PGM1: variants seen among roughly 807,000 people sequenced by gnomAD.
PGM1 encodes the protein phosphoglucomutase-1.
In PGM1, 52 loss-of-function variants were observed where a neutral mutation model predicts 55.6. The observed-to-expected ratio is 0.94, with a 90% CI of 0.75 to 1.18. PGM1 has a LOEUF of 1.18. PGM1 is among the 50% of genes most tolerant of loss of function. The pLI is 0.00. For synonymous variants in PGM1, 287 were observed against 271.7 expected (o/e 1.06, Z -0.55); for missense variants, 724 against 729.3 (o/e 0.99, Z 0.08).
At chr1:63,637,108 A>G (rs761706933) in intron 6 of PGM1, among the ~76,000 whole-genome samples, 1 of 152,246 alleles carries the variant, frequency 6.6e-6, no homozygotes, top group Non-Finnish European at 1.5e-5. Context: ...GTAAAGAATG[A>G]ATGAATGAAT....
chr1:63,655,014 G>A (rs554554605), intron 10 of PGM1, among the ~76,000 whole-genome samples: 20 of 149,410 alleles, frequency 1.3e-4, no homozygotes, highest in Non-Finnish European at 2.2e-4. Flanking sequence ...TGTTGCCCAG[G>A]CTGGAGTGCA....
intron 1 of PGM1, among the ~76,000 whole-genome samples, chr1:63,619,179 A>AG (rs1434607301): frequency 2.0e-5 from 3 of 152,214 alleles, no homozygotes; most frequent in Admixed American, 6.5e-5. Context: ...AGCTTTAGTC[A>AG]GGGGTCTACC....
At chr1:63,615,309 C>T (rs1648678806) in intron 1 of PGM1, among the ~76,000 whole-genome samples, 1 of 152,130 alleles carries the variant, frequency 6.6e-6, no homozygotes, top group Non-Finnish European at 1.5e-5. Flanking sequence ...AGAAGCATTT[C>T]ACACATACCT....
chr1:63,632,098 C>G (rs1649212185), intron 4 of PGM1, among the ~76,000 whole-genome samples: 1 of 151,932 alleles, frequency 6.6e-6, no homozygotes. Flanking sequence ...TTGCTGCATG[C>G]CCCCATGTAT....
chr1:63,650,977 G>A (rs999193072), intron 8 of PGM1, among the ~76,000 whole-genome samples: 16 of 152,030 alleles, frequency 1.1e-4, no homozygotes, highest in Non-Finnish European at 2.4e-4. Flanking sequence ...TAATTCCTAG[G>A]TGATGGGTTG....
In PGM1 at chr1:63,654,447, A is replaced by C; in HGVS notation, c.1580A>C (p.Lys527Thr). 6.2e-7 allele frequency: 1 copy of C among 1,614,072 alleles called. No homozygotes were observed. The highest frequency in any genetic ancestry group is 8.5e-7 in the Non-Finnish European group (1 of 1,179,920). ...GATAGCTATGAGAAGGACGTTGCCA[A>C]GATTAACCAGGACCCCCAGGTAACG... ...YIDSYEKDVA[K>T]INQDPQVMLA... The change falls in exon 10 of 11, where the codon AAG (lysine) becomes ACG (threonine). Residue 527 changes from lysine (K) to threonine (T), a missense_variant. Lys to Thr is a moderately conservative substitution (Grantham distance 78, BLOSUM62 -1). This residue lies in a region of PGM1 where 316 missense variants were observed against 313.1 expected (regional missense o/e 1.01). Transcript: ENST00000371084.
intron 7 of PGM1, among the ~76,000 whole-genome samples, chr1:63,642,046 G>T (rs576854339): frequency 6.6e-6 from 1 of 152,118 alleles, no homozygotes; most frequent in East Asian, 1.9e-4. Context: ...ACCTCTTGCC[G>T]TAGTCTGGGA....
intron 9 of PGM1, 101 bp from the exon 10 acceptor site, chr1:63,654,231 C>G: frequency 8.4e-7 from 1 of 1,189,918 alleles, no homozygotes; most frequent in Admixed American, 1.7e-5. Context: ...CTCCAATGAA[C>G]AAGTATGGAT....
At chr1:63,643,579 C>A (rs1172992431) in intron 7 of PGM1, among the ~76,000 whole-genome samples, 3 of 152,152 alleles carry the variant, frequency 2.0e-5, no homozygotes, top group South Asian at 4.1e-4. Flanking sequence ...GAGGAGCTCA[C>A]CTTCCTTTCC....
chr1:63,629,398 GA>G (rs1649127281), intron 1 of PGM1, 26 bp from the exon 2 acceptor site: 3 of 1,606,848 alleles, frequency 1.9e-6, no homozygotes, highest in Non-Finnish European at 1.7e-6. Flanking sequence ...TGATGTTAAA[GA>G]GTGTGTTCTG....
intron 1 of PGM1, among the ~76,000 whole-genome samples, chr1:63,614,256 CAA>C (rs1648647956): frequency 6.6e-6 from 1 of 152,208 alleles, no homozygotes; most frequent in Non-Finnish European, 1.5e-5. Context: ...TAAAAAGTAT[CAA>C]GAGTTGGAAT....
rs887046236 is a variant in PGM1, at chr1:63,646,075, A to C, written c.1145-2442A>C. 3.3e-5 allele frequency among the ~76,000 whole-genome samples: 5 copies of C among 152,168 alleles called. No individual in the cohort carries two copies. In the East Asian group the frequency reaches 5.8e-4, roughly 18 times the overall value. ...GGGAAGTTGGGAGCTAGTCTTAAAAAAGAGAGGACATTTGAGCTGGGTCTG... is the reference window on the plus strand; with the variant it reads ...GGGAAGTTGGGAGCTAGTCTTAAAACAGAGAGGACATTTGAGCTGGGTCTG... On this transcript the variant is annotated intron_variant, in intron 7 of 10. Transcript: ENST00000371084.
chr1:63,615,546 TCTTC>T (rs1205504141), intron 1 of PGM1, among the ~76,000 whole-genome samples: 8 of 136,162 alleles, frequency 5.9e-5, no homozygotes, highest in African/African-American at 2.5e-4. Flanking sequence ...CTCTTCTTCT[TCTTC>T]TTTTTTTTTT....
At chr1:63,626,485 A>G (rs1188782403) in intron 1 of PGM1, among the ~76,000 whole-genome samples, 1 of 152,142 alleles carries the variant, frequency 6.6e-6, no homozygotes, top group Admixed American at 6.6e-5. Context: ...GTCCTTTTGC[A>G]TCTGGCTTAT....
rs992174380 is a variant in PGM1, at chr1:63,659,874, G to A, written c.*199G>A. On this transcript the variant is annotated 3_prime_UTR_variant, in exon 11 of 11. Transcript: ENST00000371084. ...GAGCTGTGAGGGAAAGAGGACCTGC[G>A]GGCTTAGATCAATCTCAATTCCTTT... The A allele has an allele frequency of 2.3e-5, 15 of 644,080 alleles. No homozygotes were observed. Among genetic ancestry groups the A allele is most frequent in the South Asian group, 1.0e-4 (6 of 58,128 alleles). 39.9% of individuals were successfully genotyped at this position (644,080 alleles called of 1,614,324 possible). A position where few individuals can be genotyped will look rare whatever the true frequency, so the allele number is the denominator to read the frequency against.
At chr1:63,603,563 G>A (rs972172616) in intron 1 of PGM1, among the ~76,000 whole-genome samples, 2 of 152,248 alleles carry the variant, frequency 1.3e-5, no homozygotes, top group East Asian at 3.9e-4. Flanking sequence ...GAACAGAATC[G>A]TAAGACCAGA....
In PGM1 at chr1:63,646,909, A is replaced by T. The variant is rs149804611; in HGVS notation, c.1145-1608A>T. Among the ~76,000 whole-genome samples, 52 of 152,114 alleles carry T rather than the reference A, an allele frequency of 3.4e-4. No individual in the cohort carries two copies. The East Asian group carries it at 9.1e-3, about 27-fold the overall frequency. On this transcript the variant is annotated intron_variant, in intron 7 of 10. Transcript: ENST00000371084. Reference sequence around the variant, plus strand: ...TCTTTTTTCTTATTCATACATAAGAATTTTTTCTATATTGAATGTATTAAA... The same window carrying T: ...TCTTTTTTCTTATTCATACATAAGATTTTTTTCTATATTGAATGTATTAAA...
chr1:63,649,179 T>C (rs1649739907), intron 8 of PGM1, among the ~76,000 whole-genome samples: 1 of 152,232 alleles, frequency 6.6e-6, no homozygotes, highest in African/African-American at 2.4e-5. Flanking sequence ...CATCGACTTT[T>C]CTGCCTTGTG....
At chr1:63,637,884 A>C (rs1278020936) in intron 6 of PGM1, among the ~76,000 whole-genome samples, 1 of 152,228 alleles carries the variant, frequency 6.6e-6, no homozygotes, top group Non-Finnish European at 1.5e-5. Flanking sequence ...TTTTTCCTCA[A>C]ATATCAGAAT....
Sources: gnomAD v4.1 joint callset for allele counts (sites outside exome capture counted in the v4.1 genomes callset) on GRCh38, gnomAD v4.1.1 for gene constraint, gnomAD v4.1.1 regional missense constraint, MANE v1.5 for transcripts, NCBI Gene and HGNC (gene_info 2026-07-23, HGNC 2026-07-21) for gene names.